The following FLYWCH1 variants were observed in gnomAD, a reference collection of about 807,000 sequenced individuals.
The protein encoded by FLYWCH1 is FLYWCH-type zinc finger-containing protein 1.
In FLYWCH1, 75 loss-of-function variants were observed where a neutral mutation model predicts 66.4. The ratio of observed to expected loss-of-function variants is 1.13; its 90% CI spans 0.94 to 1.37. FLYWCH1 has a LOEUF of 1.37. FLYWCH1 is among the 40% of genes most tolerant of loss of function. The pLI, the probability that FLYWCH1 is intolerant of heterozygous loss-of-function variation, is 0.00. For synonymous variants in FLYWCH1, 595 were observed against 429.9 expected (o/e 1.38, Z -4.75); for missense variants, 1,334 against 1,001.8 (o/e 1.33, Z -4.48).
chr16:2,937,049 C>A lies in FLYWCH1; in HGVS notation c.1514-72C>A. On this transcript the variant is annotated intron_variant, in intron 6 of 9. Coordinates refer to ENST00000253928, the MANE Select transcript of FLYWCH1 (RefSeq NM_001308068.2). ...GAGGTGTGGGCGTTGTGGGAGGTCTCATCTCGGGGCCATGCTGATCTGGGC... is the reference window on the plus strand; with the variant it reads ...GAGGTGTGGGCGTTGTGGGAGGTCTAATCTCGGGGCCATGCTGATCTGGGC... 3 of 1,463,776 alleles carry A rather than the reference C, an allele frequency of 2.0e-6. No homozygotes were observed. The South Asian group carries it at 4.2e-5, about 21-fold the overall frequency. 90.7% of individuals were successfully genotyped at this position (1,463,776 alleles called of 1,614,324 possible). A position where few individuals can be genotyped will look rare whatever the true frequency, so the allele number is the denominator to read the frequency against.
At chr16:2,948,555 T>A (rs1421576255) in intron 9 of FLYWCH1, 133 bp from the exon 10 acceptor site, 1 of 909,260 alleles carries the variant, frequency 1.1e-6, no homozygotes. Flanking sequence ...AGAGCAAGAT[T>A]CCGTCTCAAA....
In FLYWCH1 at chr16:2,933,158, G is replaced by T. The variant is rs201055980; in HGVS notation, c.825G>T (p.Arg275Ser). The change falls in exon 5 of 10, where the codon AGG (arginine) becomes AGT (serine). Residue 275 changes from arginine (R) to serine (S), a missense_variant. Arg to Ser is a moderately radical substitution (Grantham distance 110). Transcript: ENST00000253928. ...AGGCCCGGCCCCTCGAGTTCCTGAG[G>T]ACGTGCTACGGGGGCAGCTTCCTGG... ...LGQARPLEFLRTCYGGSFLVH... is the reference protein window; with the variant it reads ...LGQARPLEFLSTCYGGSFLVH... 4.1e-5 allele frequency: 66 copies of T among 1,613,562 alleles called. No homozygotes were observed. The African/African-American group carries it at 7.5e-4, about 18-fold the overall frequency.
At chr16:2,945,485 C>G (rs1171597371) in intron 9 of FLYWCH1, among the ~76,000 whole-genome samples, 1 of 87,928 alleles carries the variant, frequency 1.1e-5, no homozygotes, top group Non-Finnish European at 2.2e-5. Flanking sequence ...GACTCCATCT[C>G]AAAAAAAAAA....
At chr16:2,930,082 C>G in intron 3 of FLYWCH1, 72 bp downstream of exon 3, 2 of 1,301,824 alleles carry the variant, frequency 1.5e-6, no homozygotes, top group African/African-American at 1.5e-5. Flanking sequence ...CCTGTACACC[C>G]TGCTTCAAGC....
At position 2,938,302 on chromosome 16, in the gene FLYWCH1, G is replaced by A; in HGVS notation, c.1896G>A (p.Arg632=). ...GGGAGAAGGTGTACTGGATGTGCCGGGACCAGGCTCGGCTGGGCTGCCGCA... is the reference window on the plus strand; with the variant it reads ...GGGAGAAGGTGTACTGGATGTGCCGAGACCAGGCTCGGCTGGGCTGCCGCA... ...AAGEKVYWMC[R]DQARLGCRSR... Residue 632 remains arginine, a synonymous_variant, in exon 8 of 10, where the codon CGG becomes CGA. Transcript: ENST00000253928. 1 of 1,611,162 alleles carries A rather than the reference G, an allele frequency of 6.2e-7. No homozygotes were observed.
chr16:2,934,038 CT>C, intron 6 of FLYWCH1, 59 bp downstream of exon 6: 1 of 1,453,334 alleles, frequency 6.9e-7, no homozygotes, highest in Non-Finnish European at 9.1e-7. Flanking sequence ...CCCACACTGC[CT>C]TTCCCTCTCC....
intron 2 of FLYWCH1, among the ~76,000 whole-genome samples, chr16:2,925,601 G>A (rs1044835261): frequency 6.9e-6 from 1 of 144,794 alleles, no homozygotes; most frequent in African/African-American, 2.5e-5. Context: ...GGGGCTTTCC[G>A]CCCTAACCTT....
At chr16:2,916,366 T>C (rs2070167561) in intron 2 of FLYWCH1, among the ~76,000 whole-genome samples, 1 of 148,944 alleles carries the variant, frequency 6.7e-6, no homozygotes, top group African/African-American at 2.5e-5. Context: ...CCGGGTGTGG[T>C]GGCTCACGCC....
chr16:2,938,065 G>T (rs1596388642), intron 7 of FLYWCH1, 119 bp from the exon 8 acceptor site: 2 of 974,054 alleles, frequency 2.1e-6, no homozygotes, highest in East Asian at 5.3e-5. Flanking sequence ...GGACCACCGT[G>T]CAGCGTGCTA....
chr16:2,949,340 C>T lies in FLYWCH1; in HGVS notation c.*613C>T, dbSNP rs573993189. ...CGCTCCGCACTCCACACTTTCCTTT[C>T]TGTGCTCCTTCCAAGTTAAATTAAA... On this transcript the variant is annotated 3_prime_UTR_variant, in exon 10 of 10. Coordinates refer to ENST00000253928, the MANE Select transcript of FLYWCH1 (RefSeq NM_001308068.2). 5 of 152,602 alleles carry T rather than the reference C, an allele frequency of 3.3e-5. No individual in the cohort carries two copies. The highest frequency in any genetic ancestry group is 2.0e-4 in the Admixed American group (3 of 15,330). 9.5% of individuals were successfully genotyped at this position (152,602 alleles called of 1,614,324 possible). A position where few individuals can be genotyped will look rare whatever the true frequency, so the allele number is the denominator to read the frequency against.
Position 2,938,296 on chromosome 16 carries a change from G to A in FLYWCH1, c.1890G>A (p.Met630Ile), listed in dbSNP as rs776875142. 6.2e-7 allele frequency: 1 copy of A among 1,611,980 alleles called. No homozygotes were observed. The highest frequency in any genetic ancestry group is 8.5e-7 in the Non-Finnish European group (1 of 1,179,064). The change falls in exon 8 of 10, where the codon ATG becomes ATA. Residue 630 changes from methionine to isoleucine, a missense_variant. By Grantham distance (10) the Met-to-Ile change is conservative. Transcript: ENST00000253928. ...CGGCTGGGGAGAAGGTGTACTGGATGTGCCGGGACCAGGCTCGGCTGGGCT... is the reference window on the plus strand; with the variant it reads ...CGGCTGGGGAGAAGGTGTACTGGATATGCCGGGACCAGGCTCGGCTGGGCT... ...EKAAGEKVYW[M>I]CRDQARLGCR...
chr16:2,930,583 A>G lies in FLYWCH1; in HGVS notation c.499A>G (p.Thr167Ala), dbSNP rs778704410. ...GRAITRGLRA[T>A]VMRGHCHAPD... ...GGCCATCACCCGAGGCCTGCGGGCC[A>G]CAGTGATGCGGGGCCACTGCCACGC... Residue 167 changes from threonine (T) to alanine (A), a missense_variant, in exon 4 of 10, where the codon ACA becomes GCA. Physicochemically the swap from Thr to Ala is moderately conservative, Grantham distance 58. Transcript: ENST00000253928. The G allele has an allele frequency of 6.4e-7, 1 of 1,556,282 alleles. No homozygotes were observed.
At chr16:2,933,099 G>T in intron 4 of FLYWCH1, 31 bp from the exon 5 acceptor site, 7 of 1,590,742 alleles carry the variant, frequency 4.4e-6, no homozygotes, top group Non-Finnish European at 6.0e-6. Context: ...CTCCACCCCT[G>T]GTGATGTGAC....
rs756463461 is a variant in FLYWCH1, at chr16:2,948,860, G to A, written c.*133G>A. ...CTTCCAAAGCATCGATGGTCTTCGC[G>A]TCTCCTCAGGAGGTCTCCCAGGAGG... On this transcript the variant is annotated 3_prime_UTR_variant, in exon 10 of 10. Coordinates refer to ENST00000253928, the MANE Select transcript of FLYWCH1 (RefSeq NM_001308068.2). 37 of 755,414 alleles carry A rather than the reference G, an allele frequency of 4.9e-5. No individual in the cohort carries two copies. The highest frequency in any genetic ancestry group is 2.7e-4 in the East Asian group (10 of 37,300). 46.8% of individuals were successfully genotyped at this position (755,414 alleles called of 1,614,324 possible). A position where few individuals can be genotyped will look rare whatever the true frequency, so the allele number is the denominator to read the frequency against.
intron 4 of FLYWCH1, among the ~76,000 whole-genome samples, chr16:2,932,389 A>G (rs907535816): frequency 6.6e-6 from 1 of 151,526 alleles, no homozygotes; most frequent in Non-Finnish European, 1.5e-5. Context: ...AATTGGCTTA[A>G]TTTCTGGAGT....
chr16:2,946,732 C>T (rs1173693371), intron 9 of FLYWCH1, among the ~76,000 whole-genome samples: 2 of 152,142 alleles, frequency 1.3e-5, no homozygotes, highest in African/African-American at 4.8e-5. Flanking sequence ...CAAAGATATA[C>T]AAATGGCCGA....
Position 2,948,230 on chromosome 16 carries a change from T to G in FLYWCH1, c.2112-458T>G, listed in dbSNP as rs117990455. ...TGTGTGTCACGAAGCAACCTCATGT[T>G]GTAAAGGAATTGATACGGATGGATG... is the stretch of plus-strand genomic sequence containing the variant. On this transcript the variant is annotated intron_variant, in intron 9 of 9. Transcript: ENST00000253928. Among the ~76,000 whole-genome samples the G allele has an allele frequency of 5.2e-3, 792 of 152,058 alleles. 19 individuals are homozygous for G. The highest frequency in any genetic ancestry group is 0.04 in the Admixed American group (605 of 15,246).
rs71158125 is a variant in FLYWCH1, at chr16:2,932,270, C to CAAAAAAA, written c.797-840_797-834dup. Among the ~76,000 whole-genome samples the CAAAAAAA allele has an allele frequency of 5.1e-4, 28 of 55,300 alleles. 2 individuals are homozygous for CAAAAAAA. Among genetic ancestry groups the CAAAAAAA allele is most frequent in the Non-Finnish European group, 4.9e-4 (15 of 30,816 alleles). 36.3% of individuals were successfully genotyped at this position (55,300 alleles called of 152,430 possible). ...TGGGCGACGTGGCAGGACCCTGTCT[C>CAAAAAAA]AAAAAAAAAAAAAAAAAAAAAAAAA... is the stretch of plus-strand genomic sequence containing the variant. On this transcript the variant is annotated intron_variant, in intron 4 of 9. Coordinates refer to ENST00000253928, the MANE Select transcript of FLYWCH1 (RefSeq NM_001308068.2).
intron 4 of FLYWCH1, among the ~76,000 whole-genome samples, chr16:2,931,995 G>C (rs1165457341): frequency 6.6e-6 from 1 of 152,010 alleles, no homozygotes; most frequent in African/African-American, 2.4e-5. Flanking sequence ...GCGGGCGCCT[G>C]TAGTCCCAGC....
Sources: gnomAD v4.1 joint callset for allele counts (sites outside exome capture counted in the v4.1 genomes callset) on GRCh38, gnomAD v4.1.1 for gene constraint, MANE v1.5 for transcripts, NCBI Gene and HGNC (gene_info 2026-07-23, HGNC 2026-07-21) for gene names.